GALNT1: variants seen among roughly 807,000 people sequenced by gnomAD.
The protein encoded by GALNT1 is polypeptide N-acetylgalactosaminyltransferase 1.
GALNT1 carries 17 observed loss-of-function variants against 65.7 expected under a neutral mutation model. The ratio of observed to expected loss-of-function variants is 0.26; its 90% CI spans 0.18 to 0.39. GALNT1 has a LOEUF of 0.39. Among genes scored for constraint, GALNT1 ranks in the 10% least tolerant of loss-of-function variants. The pLI, the probability that GALNT1 is intolerant of heterozygous loss-of-function variation, is 1.00. For synonymous variants in GALNT1, 210 were observed against 219.7 expected (o/e 0.96, Z 0.39); for missense variants, 460 against 672.8 (o/e 0.68, Z 3.50).
intron 1 of GALNT1, among the ~76,000 whole-genome samples, chr18:35,582,901 C>T (rs937966749): frequency 6.6e-6 from 1 of 152,190 alleles, no homozygotes; most frequent in African/African-American, 2.4e-5. Context: ...CCACATGTGA[C>T]TATTAAAATT....
At chr18:35,606,819 TTTTGTGTG>T (rs1375820109) in intron 1 of GALNT1, among the ~76,000 whole-genome samples, 1 of 132,384 alleles carries the variant, frequency 7.6e-6, no homozygotes, top group Non-Finnish European at 1.6e-5. Flanking sequence ...TTTGTTGATG[TTTTGTGTG>T]TGTGTGTGTG....
intron 5 of GALNT1, among the ~76,000 whole-genome samples, chr18:35,685,293 C>T (rs1262493658): frequency 6.6e-6 from 1 of 152,032 alleles, no homozygotes; most frequent in African/African-American, 2.4e-5. Context: ...CGTAATATTA[C>T]AAAAACTAAT....
chr18:35,588,001 G>T (rs1471084497), intron 1 of GALNT1, among the ~76,000 whole-genome samples: 1 of 152,064 alleles, frequency 6.6e-6, no homozygotes, highest in East Asian at 1.9e-4. Context: ...ATTTTGGTTG[G>T]AGAGCACACT....
At chr18:35,702,348 A>G (rs1283063341) in intron 9 of GALNT1, among the ~76,000 whole-genome samples, 4 of 152,236 alleles carry the variant, frequency 2.6e-5, no homozygotes, top group African/African-American at 4.8e-5. Context: ...AGAGGAAACA[A>G]AATATCAAGG....
intron 3 of GALNT1, among the ~76,000 whole-genome samples, chr18:35,665,595 A>G (rs9675892): frequency 0.095 from 14,453 of 152,228 alleles, 764 homozygotes; most frequent in Admixed American, 0.17. Context: ...CCAGGGGGGA[A>G]AAAAGACCTT....
At chr18:35,648,321 T>C (rs2047263452) in intron 1 of GALNT1, among the ~76,000 whole-genome samples, 1 of 152,234 alleles carries the variant, frequency 6.6e-6, no homozygotes, top group African/African-American at 2.4e-5. Context: ...TGTTAGATGA[T>C]TTTGCACAAC....
At chr18:35,703,235 T>A (rs543653869) in intron 10 of GALNT1, among the ~76,000 whole-genome samples, 2 of 152,152 alleles carry the variant, frequency 1.3e-5, no homozygotes, top group Non-Finnish European at 2.9e-5. Context: ...TTTGCCCTTT[T>A]TATTCAAACA....
At position 35,703,448 on chromosome 18, in the gene GALNT1, GGCATTTAAAAT is replaced by G. The variant is rs2048201095; in HGVS notation, c.1399-58_1399-48del. ...TTGTATTTTCCCTGACAGCTAATTG[GGCATTTAAAAT>G]GCTGACTAATTTATTTTTTCTGTTT... is the stretch of plus-strand genomic sequence containing the variant. On this transcript the variant is annotated intron_variant, in intron 10 of 11. Coordinates refer to ENST00000269195, the MANE Select transcript of GALNT1 (RefSeq NM_020474.4). 7 of 1,456,626 alleles carry G rather than the reference GGCATTTAAAAT, an allele frequency of 4.8e-6. No homozygotes were observed. In the East Asian group the frequency reaches 1.6e-4, roughly 33 times the overall value. 90.2% of individuals were successfully genotyped at this position (1,456,626 alleles called of 1,614,324 possible). A position where few individuals can be genotyped will look rare whatever the true frequency, so the allele number is the denominator to read the frequency against.
In GALNT1 at chr18:35,680,026, C is replaced by T. The variant is rs528923800; in HGVS notation, c.481+2269C>T. Reference sequence around the variant, plus strand: ...TTAAAGCATGCAAATTTGATCATTTCGCTTCCATGCTTAAAACCCCTCCAC... The same window carrying T: ...TTAAAGCATGCAAATTTGATCATTTTGCTTCCATGCTTAAAACCCCTCCAC... On this transcript the variant is annotated intron_variant, in intron 4 of 11. Coordinates refer to ENST00000269195, the MANE Select transcript of GALNT1 (RefSeq NM_020474.4). Among the ~76,000 whole-genome samples, 22 of 152,214 alleles carry T rather than the reference C, an allele frequency of 1.4e-4. No individual in the cohort carries two copies. The South Asian group carries it at 2.9e-3, about 20-fold the overall frequency.
intron 1 of GALNT1, among the ~76,000 whole-genome samples, chr18:35,610,135 A>C (rs79056662): frequency 6.6e-6 from 1 of 152,208 alleles, no homozygotes; most frequent in Non-Finnish European, 1.5e-5. Context: ...GAAGCCAGAG[A>C]AAGCATGACG....
At position 35,703,499 on chromosome 18, in the gene GALNT1, T is replaced by G; in HGVS notation, c.1399-10T>G. 1 of 1,611,388 alleles carries G rather than the reference T, an allele frequency of 6.2e-7. No homozygotes were observed. Among genetic ancestry groups the G allele is most frequent in the Non-Finnish European group, 8.5e-7 (1 of 1,178,978 alleles). ...TTTTTCTGTTTATGTGTGTGCATTT[T>G]TATTTCCAGGTTTTCTCTTATACTG... On this transcript the variant is annotated splice_polypyrimidine_tract_variant and intron_variant, in intron 10 of 11. Transcript: ENST00000269195.
intron 1 of GALNT1, among the ~76,000 whole-genome samples, chr18:35,647,139 T>C (rs1403463059): frequency 6.6e-6 from 1 of 152,258 alleles, no homozygotes; most frequent in Non-Finnish European, 1.5e-5. Flanking sequence ...TCCTTTCTGC[T>C]GTAGAGCCTT....
intron 1 of GALNT1, among the ~76,000 whole-genome samples, chr18:35,604,122 C>G (rs1220084495): frequency 6.6e-6 from 1 of 152,098 alleles, no homozygotes; most frequent in African/African-American, 2.4e-5. Flanking sequence ...TTTTACCCTT[C>G]TTTGTGTCCA....
intron 5 of GALNT1, among the ~76,000 whole-genome samples, chr18:35,686,089 T>C (rs1024492967): frequency 3.3e-5 from 5 of 152,064 alleles, no homozygotes; most frequent in African/African-American, 1.2e-4. Context: ...AATGAAAAGT[T>C]TATTTCACAC....
intron 1 of GALNT1, among the ~76,000 whole-genome samples, chr18:35,591,101 G>C (rs997557540): frequency 6.6e-6 from 1 of 152,162 alleles, no homozygotes; most frequent in African/African-American, 2.4e-5. Context: ...AGAAAAGGGT[G>C]GTTAATTTAG....
intron 1 of GALNT1, among the ~76,000 whole-genome samples, chr18:35,601,979 C>G (rs1035928094): frequency 2.6e-5 from 4 of 152,186 alleles, no homozygotes; most frequent in African/African-American, 7.2e-5. Flanking sequence ...TTTATACCTT[C>G]AAATGTTTTG....
At chr18:35,618,537 G>GA (rs1050875421) in intron 1 of GALNT1, among the ~76,000 whole-genome samples, 1 of 152,086 alleles carries the variant, frequency 6.6e-6, no homozygotes, top group African/African-American at 2.4e-5. Flanking sequence ...GAAAAGGAGA[G>GA]ATAACCCAAG....
chr18:35,648,900 G>A (rs937124739), intron 1 of GALNT1, among the ~76,000 whole-genome samples: 1 of 151,994 alleles, frequency 6.6e-6, no homozygotes, highest in Non-Finnish European at 1.5e-5. Flanking sequence ...TCCTTTTTCA[G>A]CCCTTGGCAG....
At chr18:35,673,125 C>A (rs932687224) in intron 3 of GALNT1, among the ~76,000 whole-genome samples, 18 of 152,128 alleles carry the variant, frequency 1.2e-4, no homozygotes, top group African/African-American at 4.3e-4. Context: ...CACTGCCTGG[C>A]AGGTAGCCAG....
Sources: gnomAD v4.1 joint callset for allele counts (sites outside exome capture counted in the v4.1 genomes callset) on GRCh38, gnomAD v4.1.1 for gene constraint, MANE v1.5 for transcripts, NCBI Gene and HGNC (gene_info 2026-07-23, HGNC 2026-07-21) for gene names.